Variants in BLK observed in about 807,000 individuals in gnomAD.
The protein encoded by BLK is BLK proto-oncogene, Src family tyrosine kinase.
A neutral mutation model predicts 61.8 loss-of-function variants in BLK; 64 were observed. The observed-to-expected ratio is 1.03, with a 90% CI of 0.85 to 1.27. The LOEUF is 1.27. BLK is among the 50% of genes most tolerant of loss of function. The pLI is 0.00. For missense variants in BLK, 853 were observed against 660.5 expected (o/e 1.29, Z -3.19); for synonymous variants, 351 against 272.0 (o/e 1.29, Z -2.86).
At chr8:11,538,932 G>C (rs991654361) in intron 1 of BLK, among the ~76,000 whole-genome samples, 2 of 152,052 alleles carry the variant, frequency 1.3e-5, no homozygotes, top group Admixed American at 1.3e-4. Flanking sequence ...TATATGCTTA[G>C]TATTAAAGAA....
At chr8:11,532,273 A>G (rs11250145) in intron 1 of BLK, among the ~76,000 whole-genome samples, 55,931 of 151,368 alleles carry the variant, frequency 0.37, 11,229 homozygotes, top group East Asian at 0.73. Flanking sequence ...ATCTTGGCTC[A>G]AAGCAACCTC....
Position 11,564,169 on chromosome 8 carries a change from C to A in BLK, c.*61C>A. On this transcript the variant is annotated 3_prime_UTR_variant, in exon 13 of 13. Coordinates refer to ENST00000259089, the MANE Select transcript of BLK (RefSeq NM_001715.3). Reference sequence around the variant, plus strand: ...GCGCGGACGACCCCGACTTCCGTGCCATCCCAGACGGGCCGCGAAGGCGGG... The same window carrying A: ...GCGCGGACGACCCCGACTTCCGTGCAATCCCAGACGGGCCGCGAAGGCGGG... The A allele has an allele frequency of 6.6e-7, 1 of 1,516,686 alleles. No homozygotes were observed. Among genetic ancestry groups the A allele is most frequent in the Non-Finnish European group, 8.8e-7 (1 of 1,130,926 alleles). 94.0% of individuals were successfully genotyped at this position (1,516,686 alleles called of 1,614,324 possible).
At chr8:11,551,630 C>T (rs1005560137) in intron 6 of BLK, among the ~76,000 whole-genome samples, 2 of 152,076 alleles carry the variant, frequency 1.3e-5, no homozygotes, top group Admixed American at 1.3e-4. Context: ...ATACAGAATC[C>T]CGGGTGTGAC....
chr8:11,542,837 A>G (rs1209355694), intron 1 of BLK, among the ~76,000 whole-genome samples: 1 of 152,202 alleles, frequency 6.6e-6, no homozygotes, highest in Non-Finnish European at 1.5e-5. Context: ...TTCCCAAGTG[A>G]CACAGCCAGA....
At chr8:11,541,926 G>C (rs952143804) in intron 1 of BLK, among the ~76,000 whole-genome samples, 1 of 152,166 alleles carries the variant, frequency 6.6e-6, no homozygotes, top group East Asian at 1.9e-4. Context: ...GAAATACTTA[G>C]ATATAAAAAG....
chr8:11,507,999 TC>T (rs1798847343), intron 1 of BLK, among the ~76,000 whole-genome samples: 1 of 152,012 alleles, frequency 6.6e-6, no homozygotes, highest in Admixed American at 6.5e-5. Flanking sequence ...GGCACACTGG[TC>T]AAGTAGGGGG....
chr8:11,546,464 C>T (rs1483924251), intron 3 of BLK, among the ~76,000 whole-genome samples: 1 of 152,200 alleles, frequency 6.6e-6, no homozygotes, highest in Non-Finnish European at 1.5e-5. Flanking sequence ...CCCTTGCCTC[C>T]AGCCCCTGTC....
chr8:11,497,829 C>A (rs1040437655), intron 1 of BLK, among the ~76,000 whole-genome samples: 3 of 152,196 alleles, frequency 2.0e-5, no homozygotes, highest in Non-Finnish European at 4.4e-5. Flanking sequence ...ATTCCACTTC[C>A]TGTAAGACAG....
Position 11,548,052 on chromosome 8 carries a change from C to T in BLK, c.196C>T (p.Leu66=). 2 of 1,614,104 alleles carry T rather than the reference C, an allele frequency of 1.2e-6. No homozygotes were observed. The highest frequency in any genetic ancestry group is 8.5e-7 in the Non-Finnish European group (1 of 1,180,004). ...LDEDKHFVVA[L]YDYTAMNDRD... ...TTTAGACAAGCATTTCGTGGTGGCT[C>T]TGTATGACTACACCGCTATGAATGA... Residue 66 remains leucine (L), a synonymous_variant, in exon 4 of 13, where the codon CTG becomes TTG. Transcript: ENST00000259089.
At chr8:11,539,243 T>C (rs970206374) in intron 1 of BLK, among the ~76,000 whole-genome samples, 3 of 152,162 alleles carry the variant, frequency 2.0e-5, no homozygotes, top group African/African-American at 7.2e-5. Flanking sequence ...CATTTGGTGT[T>C]TGCAAATATG....
At chr8:11,531,747 C>G (rs893118837) in intron 1 of BLK, among the ~76,000 whole-genome samples, 14 of 152,254 alleles carry the variant, frequency 9.2e-5, no homozygotes, top group African/African-American at 3.4e-4. Flanking sequence ...TTATGTTCAC[C>G]TTTTTCTCCC....
chr8:11,527,976 T>C (rs1246283813), intron 1 of BLK, among the ~76,000 whole-genome samples: 1 of 152,124 alleles, frequency 6.6e-6, no homozygotes, highest in Non-Finnish European at 1.5e-5. Flanking sequence ...TTCTTAGTCT[T>C]ACAAGGGTGA....
At chr8:11,545,739 C>G (rs1273483731) in intron 2 of BLK, 1 of 432,318 alleles carries the variant, frequency 2.3e-6, no homozygotes, top group African/African-American at 2.0e-5. Flanking sequence ...GCAGTTTGAT[C>G]TTGTAATGGT....
At chr8:11,535,135 G>T (rs1325223338) in intron 1 of BLK, among the ~76,000 whole-genome samples, 3 of 151,366 alleles carry the variant, frequency 2.0e-5, no homozygotes, top group South Asian at 2.1e-4. Flanking sequence ...CCATGATCAC[G>T]CCTCTGCACT....
At chr8:11,495,343 A>C (rs1476496857) in intron 1 of BLK, among the ~76,000 whole-genome samples, 1 of 152,152 alleles carries the variant, frequency 6.6e-6, no homozygotes, top group Non-Finnish European at 1.5e-5. Context: ...TGATATGTGC[A>C]TATCCTCCTC....
At chr8:11,497,871 G>T (rs951814552) in intron 1 of BLK, among the ~76,000 whole-genome samples, 1 of 152,166 alleles carries the variant, frequency 6.6e-6, no homozygotes, top group Non-Finnish European at 1.5e-5. Context: ...GGGGCTTCCT[G>T]CCAGCCAGGT....
intron 9 of BLK, 97 bp downstream of exon 9, chr8:11,556,934 G>A: frequency 7.2e-7 from 1 of 1,386,770 alleles, no homozygotes; most frequent in Non-Finnish European, 9.8e-7. Context: ...ACCAGGCCAG[G>A]GGGTCCTGCA....
chr8:11,501,965 C>T (rs1179896586), intron 1 of BLK, among the ~76,000 whole-genome samples: 3 of 152,250 alleles, frequency 2.0e-5, no homozygotes, highest in Admixed American at 2.0e-4. Flanking sequence ...CATAGAAAAT[C>T]CATGAAACAA....
At chr8:11,539,530 T>C (rs776912575) in intron 1 of BLK, among the ~76,000 whole-genome samples, 1 of 152,232 alleles carries the variant, frequency 6.6e-6, no homozygotes, top group Non-Finnish European at 1.5e-5. Flanking sequence ...AATGATGTTT[T>C]ATTAACCTGA....
Sources: gnomAD v4.1 joint callset for allele counts (sites outside exome capture counted in the v4.1 genomes callset) on GRCh38, gnomAD v4.1.1 for gene constraint, MANE v1.5 for transcripts, NCBI Gene and HGNC (gene_info 2026-07-23, HGNC 2026-07-21) for gene names.